The following CNGB3 variants were observed in gnomAD, a reference collection of about 807,000 sequenced individuals.
The protein encoded by CNGB3 is cyclic nucleotide gated channel subunit beta 3.
In CNGB3, 86 loss-of-function variants were observed where a neutral mutation model predicts 92.8. That is an observed-to-expected ratio of 0.93 (90% confidence interval 0.78 to 1.11). The LOEUF (loss-of-function observed/expected upper bound fraction) is 1.11, where lower values mean the gene tolerates loss of function less well. CNGB3 is among the 50% of genes least tolerant of loss of function. The probability of loss-of-function intolerance (pLI) is 0.00; values close to 1 mark genes in which losing one functional copy is unlikely to be tolerated. For synonymous variants in CNGB3, 333 were observed against 332.7 expected (o/e 1.00, Z -0.01); for missense variants, 1,026 against 956.8 (o/e 1.07, Z -0.95).
intron 3 of CNGB3, among the ~76,000 whole-genome samples, chr8:86,708,957 C>T (rs942622678): frequency 6.6e-6 from 1 of 152,070 alleles, no homozygotes; most frequent in African/African-American, 2.4e-5. Flanking sequence ...AATAAATTTG[C>T]TGTAGTGGGG....
chr8:86,713,115 A>G (rs546934164), intron 3 of CNGB3, among the ~76,000 whole-genome samples: 1 of 152,172 alleles, frequency 6.6e-6, no homozygotes, highest in Non-Finnish European at 1.5e-5. Flanking sequence ...TTTTGACCTC[A>G]GAGTTACTTA....
rs77155622 is a variant in CNGB3, at chr8:86,644,744, A to C, written c.991-58T>G. On this transcript the variant is annotated intron_variant, in intron 8 of 17. Coordinates refer to ENST00000320005, the MANE Select transcript of CNGB3 (RefSeq NM_019098.5). ...TGTTAGTCTTAAATATATATATTTA[A>C]ATAAAACTATATGAAATAGATTTTA... 311 of 1,126,272 alleles carry C rather than the reference A, an allele frequency of 2.8e-4. 3 individuals are homozygous for C. The East Asian group carries it at 8.8e-3, about 32-fold the overall frequency. The allele number at this position is 1,126,272 out of a possible 1,614,324, so 69.8% of individuals were successfully genotyped here.
intron 4 of CNGB3, among the ~76,000 whole-genome samples, chr8:86,668,862 T>G (rs1823801804): frequency 6.6e-6 from 1 of 151,968 alleles, no homozygotes; most frequent in South Asian, 2.1e-4. Flanking sequence ...ACTATTCATG[T>G]GTAAAAATTA....
intron 1 of CNGB3, among the ~76,000 whole-genome samples, chr8:86,740,518 G>T (rs996905635): frequency 6.6e-6 from 1 of 152,168 alleles, no homozygotes; most frequent in African/African-American, 2.4e-5. Flanking sequence ...TGCAGGTTTA[G>T]CAAAAGCCAA....
At chr8:86,625,112 A>G (rs1822820555) in intron 13 of CNGB3, among the ~76,000 whole-genome samples, 1 of 152,076 alleles carries the variant, frequency 6.6e-6, no homozygotes, top group African/African-American at 2.4e-5. Context: ...CCAAATAAAC[A>G]TATTTTCTTT....
At chr8:86,650,231 A>C (rs1823374398) in intron 7 of CNGB3, among the ~76,000 whole-genome samples, 1 of 151,502 alleles carries the variant, frequency 6.6e-6, no homozygotes, top group South Asian at 2.1e-4. Context: ...AGCTCAAATC[A>C]TAATGATTTT....
At position 86,578,962 on chromosome 8, in the gene CNGB3, A is replaced by G. The variant is rs1456759957; in HGVS notation, c.1929-99T>C. 9 of 1,535,700 alleles carry G rather than the reference A, an allele frequency of 5.9e-6. No individual in the cohort carries two copies. The African/African-American group carries it at 6.8e-5, about 12-fold the overall frequency. ...ATTTATCCTAACCTGTGTAGTTTCAATGGGTACCTACATTAATAGTTGTTC... is the reference window on the plus strand; with the variant it reads ...ATTTATCCTAACCTGTGTAGTTTCAGTGGGTACCTACATTAATAGTTGTTC... On this transcript the variant is annotated intron_variant, in intron 16 of 17. Transcript: ENST00000320005.
At chr8:86,680,773 G>A (rs775488363) in intron 3 of CNGB3, among the ~76,000 whole-genome samples, 9 of 152,082 alleles carry the variant, frequency 5.9e-5, no homozygotes, top group East Asian at 1.9e-4. Flanking sequence ...CAGCAATGGC[G>A]TACCAAGTTG....
chr8:86,711,302 G>C (rs541480678), intron 3 of CNGB3, among the ~76,000 whole-genome samples: 5 of 152,026 alleles, frequency 3.3e-5, no homozygotes, highest in African/African-American at 1.2e-4. Context: ...GCCTGCCTGC[G>C]TCATAGAAAT....
intron 3 of CNGB3, among the ~76,000 whole-genome samples, chr8:86,690,479 T>C (rs1301236947): frequency 6.6e-6 from 1 of 152,208 alleles, no homozygotes; most frequent in Non-Finnish European, 1.5e-5. Context: ...GATGAGTAGA[T>C]TGCAAAAATT....
At chr8:86,587,398 C>A (rs1280800864) in intron 15 of CNGB3, among the ~76,000 whole-genome samples, 3 of 152,042 alleles carry the variant, frequency 2.0e-5, no homozygotes, top group Admixed American at 6.6e-5. Flanking sequence ...TGTTTTAGAC[C>A]TGAAGTCCTT....
intron 3 of CNGB3, among the ~76,000 whole-genome samples, chr8:86,714,190 C>T (rs1286827167): frequency 6.6e-6 from 1 of 152,190 alleles, no homozygotes; most frequent in Non-Finnish European, 1.5e-5. Flanking sequence ...CCTAACCCCC[C>T]AGCCCCAGGC....
At chr8:86,628,810 A>T (rs1032996430) in intron 12 of CNGB3, 109 bp downstream of exon 12, 4 of 1,142,018 alleles carry the variant, frequency 3.5e-6, no homozygotes, top group African/African-American at 1.5e-5. Flanking sequence ...AGGATCATTT[A>T]GTTGTTTTTC....
At chr8:86,600,703 G>A (rs575483968) in intron 15 of CNGB3, among the ~76,000 whole-genome samples, 1 of 148,486 alleles carries the variant, frequency 6.7e-6, no homozygotes, top group South Asian at 2.1e-4. Flanking sequence ...TCTGCCTCCT[G>A]GGTTCATGCT....
chr8:86,640,581 C>T (rs968361278), intron 10 of CNGB3, among the ~76,000 whole-genome samples: 1 of 151,978 alleles, frequency 6.6e-6, no homozygotes, highest in African/African-American at 2.4e-5. Flanking sequence ...CCTTTTCTGC[C>T]TATGAAGCCA....
chr8:86,666,533 T>C (rs1397988945), intron 6 of CNGB3, among the ~76,000 whole-genome samples: 1 of 152,146 alleles, frequency 6.6e-6, no homozygotes, highest in Non-Finnish European at 1.5e-5. Context: ...CATAGTGTCA[T>C]TGAAAGGATT....
chr8:86,735,236 G>T (rs1463027122), intron 2 of CNGB3, among the ~76,000 whole-genome samples: 1 of 144,580 alleles, frequency 6.9e-6, no homozygotes, highest in African/African-American at 2.6e-5. Context: ...TCCGCTTCCA[G>T]GGTTCACGCC....
At chr8:86,689,556 A>G (rs1267106764) in intron 3 of CNGB3, among the ~76,000 whole-genome samples, 1 of 137,040 alleles carries the variant, frequency 7.3e-6, no homozygotes, top group Admixed American at 7.0e-5. Context: ...TTTTATTTTT[A>G]TTTTTATTTT....
At chr8:86,630,809 G>A (rs1822948281) in intron 11 of CNGB3, among the ~76,000 whole-genome samples, 1 of 152,160 alleles carries the variant, frequency 6.6e-6, no homozygotes, top group Non-Finnish European at 1.5e-5. Context: ...AGGAGTTTGA[G>A]GCTACAGTGA....
Sources: allele counts gnomAD v4.1 joint callset (sites outside exome capture counted in the v4.1 genomes callset), GRCh38; gene constraint gnomAD v4.1.1; transcripts MANE v1.5; gene names NCBI Gene and HGNC (gene_info 2026-07-23, HGNC 2026-07-21).